The following ZNF385D variants were observed in gnomAD, a reference collection of about 807,000 sequenced individuals.
ZNF385D encodes zinc finger protein 385D.
In ZNF385D, 15 loss-of-function variants were observed where a neutral mutation model predicts 35.8. The observed-to-expected ratio is 0.42, with a 90% CI of 0.28 to 0.64. The LOEUF is 0.64. ZNF385D is among the 30% of genes least tolerant of loss of function. The pLI, the probability that ZNF385D is intolerant of heterozygous loss-of-function variation, is 0.23. For synonymous variants in ZNF385D, 212 were observed against 186.8 expected, an observed-to-expected ratio of 1.13 and a Z score of -1.10; for missense variants, 474 against 494.6, an observed-to-expected ratio of 0.96 and a Z score of 0.39.
intron 3 of ZNF385D, among the ~76,000 whole-genome samples, chr3:22,030,503 G>C (rs1309567417): frequency 4.0e-5 from 6 of 151,008 alleles, no homozygotes; most frequent in Non-Finnish European, 8.9e-5. Context: ...GAGAGTGAGA[G>C]AGTGCACAGA....
intron 3 of ZNF385D, among the ~76,000 whole-genome samples, chr3:21,515,552 AT>A (rs575862054): frequency 3.3e-5 from 5 of 152,350 alleles, no homozygotes; most frequent in South Asian, 4.1e-4. Context: ...ACCCCAAAAC[AT>A]GACTGGAATG....
At chr3:21,828,660 T>A (rs1185974705) in intron 3 of ZNF385D, among the ~76,000 whole-genome samples, 3 of 152,218 alleles carry the variant, frequency 2.0e-5, no homozygotes, top group Non-Finnish European at 2.9e-5. Flanking sequence ...TCTTTGTTAG[T>A]TTCTTTTTGC....
intron 1 of ZNF385D, among the ~76,000 whole-genome samples, chr3:21,699,456 C>T (rs1040878891): frequency 6.6e-6 from 1 of 151,898 alleles, no homozygotes; most frequent in African/African-American, 2.4e-5. Flanking sequence ...CCTGCACATT[C>T]TGCACATGTA....
At chr3:22,359,732 G>C (rs1202464030) in intron 2 of ZNF385D, among the ~76,000 whole-genome samples, 1 of 151,846 alleles carries the variant, frequency 6.6e-6, no homozygotes, top group East Asian at 1.9e-4. Context: ...TAACGGGAAT[G>C]CCAGTTAAAA....
chr3:22,204,044 TG>T (rs1026503128), intron 2 of ZNF385D, among the ~76,000 whole-genome samples: 4 of 152,098 alleles, frequency 2.6e-5, no homozygotes, highest in African/African-American at 4.8e-5. Flanking sequence ...CTCAGTGCTG[TG>T]CTGGCTTTAG....
intron 2 of ZNF385D, among the ~76,000 whole-genome samples, chr3:22,307,272 G>C (rs918329480): frequency 6.6e-6 from 1 of 152,128 alleles, no homozygotes; most frequent in Non-Finnish European, 1.5e-5. Context: ...TAGGAATGAA[G>C]ATAAGTCTGC....
At chr3:21,853,055 ACATTTC>A (rs63426860) in intron 3 of ZNF385D, among the ~76,000 whole-genome samples, 133,468 of 151,194 alleles carry the variant, frequency 0.88, 59,113 homozygotes, top group Middle Eastern at 0.94. Context: ...AGTTCTCCAT[ACATTTC>A]CATTTCAAAA....
At chr3:21,701,844 G>A (rs891206952) in intron 1 of ZNF385D, among the ~76,000 whole-genome samples, 1 of 152,088 alleles carries the variant, frequency 6.6e-6, no homozygotes, top group African/African-American at 2.4e-5. Flanking sequence ...AATCTCCTTT[G>A]ACTCCAGGTC....
chr3:21,768,575 T>C (rs1171615208), intron 3 of ZNF385D, among the ~76,000 whole-genome samples: 1 of 151,956 alleles, frequency 6.6e-6, no homozygotes, highest in African/African-American at 2.4e-5. Flanking sequence ...AACACAGCCC[T>C]ATGACAGGCA....
At chr3:21,619,355 A>G (rs2064937084) in intron 2 of ZNF385D, among the ~76,000 whole-genome samples, 1 of 152,038 alleles carries the variant, frequency 6.6e-6, no homozygotes, top group Admixed American at 6.6e-5. Flanking sequence ...ATCACTAACA[A>G]ACAGTACAGA....
intron 4 of ZNF385D, among the ~76,000 whole-genome samples, chr3:21,483,440 T>A (rs537604462): frequency 6.6e-6 from 1 of 152,316 alleles, no homozygotes; most frequent in Non-Finnish European, 1.5e-5. Context: ...CTGTTATAAA[T>A]GTCTGGAGTA....
At chr3:21,747,736 T>G (rs1025488321) in intron 1 of ZNF385D, among the ~76,000 whole-genome samples, 3 of 152,196 alleles carry the variant, frequency 2.0e-5, no homozygotes, top group Non-Finnish European at 4.4e-5. Context: ...CACAGTCCTC[T>G]TAACCAAACT....
At chr3:21,810,516 G>A (rs1190338078) in intron 3 of ZNF385D, among the ~76,000 whole-genome samples, 5 of 151,634 alleles carry the variant, frequency 3.3e-5, no homozygotes, top group African/African-American at 1.2e-4. Context: ...AGAACTTAAA[G>A]TATAATAAAA....
intron 3 of ZNF385D, among the ~76,000 whole-genome samples, chr3:22,002,127 AAACAC>A (rs1295431632): frequency 3.3e-5 from 5 of 151,910 alleles, no homozygotes; most frequent in African/African-American, 4.8e-5. Context: ...ACTTAAAAAA[AAACAC>A]ACACAAAGAT....
At chr3:21,607,984 G>A (rs1400706749) in intron 2 of ZNF385D, among the ~76,000 whole-genome samples, 6 of 129,000 alleles carry the variant, frequency 4.7e-5, no homozygotes, top group South Asian at 2.9e-4. Flanking sequence ...CCAAATAACC[G>A]TAATGAAAAG....
intron 3 of ZNF385D, among the ~76,000 whole-genome samples, chr3:21,981,128 C>T (rs1391094613): frequency 6.6e-6 from 1 of 152,072 alleles, no homozygotes; most frequent in African/African-American, 2.4e-5. Flanking sequence ...TTTTAGCTCA[C>T]TGAGGAATCA....
chr3:21,639,311 A>AGAATGTTTGT (rs1205313807), intron 2 of ZNF385D, among the ~76,000 whole-genome samples: 1 of 152,068 alleles, frequency 6.6e-6, no homozygotes, highest in African/African-American at 2.4e-5. Context: ...CATGAAAGCA[A>AGAATGTTTGT]GAATGTTTGT....
chr3:22,226,448 T>C (rs1036135925), intron 2 of ZNF385D, among the ~76,000 whole-genome samples: 1 of 152,206 alleles, frequency 6.6e-6, no homozygotes, highest in South Asian at 2.1e-4. Context: ...TATTGTTTCA[T>C]ACAACTTTGA....
intron 3 of ZNF385D, among the ~76,000 whole-genome samples, chr3:21,792,280 A>G (rs1040231124): frequency 1.3e-5 from 2 of 152,188 alleles, no homozygotes; most frequent in African/African-American, 4.8e-5. Flanking sequence ...TGTTCCCTCC[A>G]TTAAAAGAAG....
Sources: gnomAD v4.1 joint callset for allele counts (sites outside exome capture counted in the v4.1 genomes callset) on GRCh38, gnomAD v4.1.1 for gene constraint, MANE v1.5 for transcripts, NCBI Gene and HGNC (gene_info 2026-07-23, HGNC 2026-07-21) for gene names.